Variants in SLC1A1 observed in about 807,000 individuals in gnomAD.
SLC1A1 encodes the protein solute carrier family 1 member 1, also known as excitatory amino acid transporter 3.
A neutral mutation model predicts 53.3 loss-of-function variants in SLC1A1; 43 were observed. The ratio of observed to expected loss-of-function variants is 0.81; its 90% CI spans 0.63 to 1.04. The LOEUF (loss-of-function observed/expected upper bound fraction) is 1.04, where lower values mean the gene tolerates loss of function less well. Among genes scored for constraint, SLC1A1 ranks in the 50% least tolerant of loss-of-function variants. The pLI is 0.00. For synonymous variants in SLC1A1, 307 were observed against 243.2 expected (o/e 1.26, Z -2.44); for missense variants, 748 against 664.9 (o/e 1.12, Z -1.37).
intron 1 of SLC1A1, among the ~76,000 whole-genome samples, chr9:4,511,434 G>A (rs1354087669): frequency 6.6e-6 from 1 of 152,018 alleles, no homozygotes. Flanking sequence ...CCTCTCAAGG[G>A]CCCCACCTTC....
intron 10 of SLC1A1, among the ~76,000 whole-genome samples, chr9:4,577,934 G>A (rs1196553550): frequency 6.6e-6 from 1 of 152,192 alleles, no homozygotes; most frequent in Admixed American, 6.5e-5. Flanking sequence ...AATTGAAGAA[G>A]CATCAGCTGG....
At chr9:4,538,727 G>T (rs1318658686) in intron 1 of SLC1A1, among the ~76,000 whole-genome samples, 1 of 152,182 alleles carries the variant, frequency 6.6e-6, no homozygotes, top group Non-Finnish European at 1.5e-5. Flanking sequence ...CTTTGAGCCG[G>T]AATTCCCGTG....
At chr9:4,498,856 T>G (rs1820533217) in intron 1 of SLC1A1, among the ~76,000 whole-genome samples, 1 of 148,854 alleles carries the variant, frequency 6.7e-6, no homozygotes, top group Admixed American at 6.8e-5. Context: ...TTGCTTATAC[T>G]TTCTCTAAAA....
chr9:4,494,017 C>A (rs995959440), intron 1 of SLC1A1, among the ~76,000 whole-genome samples: 1 of 152,092 alleles, frequency 6.6e-6, no homozygotes, highest in Non-Finnish European at 1.5e-5. Context: ...GTTAGGTGAC[C>A]ATCTTTTTAA....
At chr9:4,575,307 C>T (rs567375502) in intron 8 of SLC1A1, among the ~76,000 whole-genome samples, 10 of 152,250 alleles carry the variant, frequency 6.6e-5, no homozygotes, top group Non-Finnish European at 1.2e-4. Flanking sequence ...ATTTCTTAAG[C>T]CTCCTAGTTC....
intron 1 of SLC1A1, among the ~76,000 whole-genome samples, chr9:4,497,225 C>A (rs1287140319): frequency 6.6e-6 from 1 of 152,150 alleles, no homozygotes; most frequent in Non-Finnish European, 1.5e-5. Context: ...ATCTTTCCAT[C>A]AAGCATATTT....
At chr9:4,531,527 C>T (rs1816469332) in intron 1 of SLC1A1, among the ~76,000 whole-genome samples, 1 of 152,166 alleles carries the variant, frequency 6.6e-6, no homozygotes, top group Non-Finnish European at 1.5e-5. Flanking sequence ...CCATCACTGT[C>T]CAGGCTTGAG....
chr9:4,561,622 T>A, intron 3 of SLC1A1, 81 bp downstream of exon 3: 1 of 886,240 alleles, frequency 1.1e-6, no homozygotes, highest in Non-Finnish European at 1.9e-6. Flanking sequence ...CCAGATGCGG[T>A]GGCTCAGGCC....
In SLC1A1 at chr9:4,576,105, C is replaced by G; in HGVS notation, c.980C>G (p.Ala327Gly). 6.2e-7 allele frequency: 1 copy of G among 1,613,826 alleles called. No individual in the cohort carries two copies. ...AMGMAQALLTALMISSSSATL... is the reference protein window; with the variant it reads ...AMGMAQALLTGLMISSSSATL... The stretch of plus-strand genomic sequence containing the variant: ...GGAATGGCCCAGGCTCTCCTGACAG[C>G]TCTCATGATCTCTTCCAGGTAAACA... Residue 327 changes from alanine to glycine, a missense_variant, in exon 9 of 12, where the codon GCT becomes GGT. Ala to Gly is a moderately conservative substitution (Grantham distance 60). Coordinates refer to ENST00000262352, the MANE Select transcript of SLC1A1 (RefSeq NM_004170.6).
intron 10 of SLC1A1, among the ~76,000 whole-genome samples, chr9:4,579,639 C>T (rs1435119674): frequency 1.3e-5 from 2 of 152,080 alleles, no homozygotes; most frequent in African/African-American, 2.4e-5. Context: ...ACTGTGAGGC[C>T]CAAAGTAATC....
At chr9:4,569,050 C>T (rs1819774695) in intron 6 of SLC1A1, among the ~76,000 whole-genome samples, 1 of 152,042 alleles carries the variant, frequency 6.6e-6, no homozygotes, top group South Asian at 2.1e-4. Flanking sequence ...ACATAACTAC[C>T]AGGAATAGAG....
At chr9:4,564,318 T>G (rs201215526) in intron 3 of SLC1A1, 26 bp from the exon 4 acceptor site, 1 of 1,515,894 alleles carries the variant, frequency 6.6e-7, no homozygotes, top group African/African-American at 1.4e-5. Context: ...TTCCTAATGC[T>G]CTGTGGACGC....
rs1564069365 is a variant in SLC1A1, at chr9:4,582,886, G to A, written c.1194-152G>A. 11 of 978,760 alleles carry A rather than the reference G, an allele frequency of 1.1e-5. No homozygotes were observed. The East Asian group carries it at 2.1e-4, about 19-fold the overall frequency. The allele number at this position is 978,760 out of a possible 1,614,324, so 60.6% of individuals were successfully genotyped here. The stretch of plus-strand genomic sequence containing the variant: ...AGCTCTAATCCTGTAATGAGGCAGA[G>A]CTGGGGCTCAGCAAGTCACAGATTC... On this transcript the variant is annotated intron_variant, in intron 10 of 11. Transcript: ENST00000262352.
At chr9:4,522,278 C>G (rs1304721593) in intron 1 of SLC1A1, among the ~76,000 whole-genome samples, 1 of 151,982 alleles carries the variant, frequency 6.6e-6, no homozygotes, top group Non-Finnish European at 1.5e-5. Context: ...GTCTCGATCT[C>G]CTGACCTTGT....
At chr9:4,526,318 G>T (rs986255766) in intron 1 of SLC1A1, among the ~76,000 whole-genome samples, 2 of 152,176 alleles carry the variant, frequency 1.3e-5, no homozygotes, top group African/African-American at 2.4e-5. Flanking sequence ...CACTTTGAAT[G>T]AACTGGATCT....
intron 3 of SLC1A1, among the ~76,000 whole-genome samples, chr9:4,564,032 T>G (rs1012764907): frequency 2.0e-5 from 3 of 152,096 alleles, no homozygotes; most frequent in African/African-American, 7.2e-5. Flanking sequence ...AAAAGAATAT[T>G]CTCATCAGCA....
At chr9:4,579,346 C>A (rs575818808) in intron 10 of SLC1A1, among the ~76,000 whole-genome samples, 1 of 152,378 alleles carries the variant, frequency 6.6e-6, no homozygotes, top group South Asian at 2.1e-4. Flanking sequence ...CCACTTCCCT[C>A]ACCCTGGGCT....
At chr9:4,560,865 G>A (rs770953171) in intron 2 of SLC1A1, among the ~76,000 whole-genome samples, 4 of 151,992 alleles carry the variant, frequency 2.6e-5, no homozygotes, top group African/African-American at 9.7e-5. Flanking sequence ...GTGTGGTGGT[G>A]TGCACCTGTA....
chr9:4,541,725 G>A (rs909731624), intron 1 of SLC1A1, among the ~76,000 whole-genome samples: 1 of 152,116 alleles, frequency 6.6e-6, no homozygotes, highest in South Asian at 2.1e-4. Flanking sequence ...AAGTTTCAAC[G>A]GCTGAGATTT....
Sources: allele counts gnomAD v4.1 joint callset (sites outside exome capture counted in the v4.1 genomes callset), GRCh38; gene constraint gnomAD v4.1.1; transcripts MANE v1.5; gene names NCBI Gene and HGNC (gene_info 2026-07-23, HGNC 2026-07-21).